The following RPS29 variants were observed in gnomAD, a reference collection of about 807,000 sequenced individuals.
The protein encoded by RPS29 is small ribosomal subunit protein uS14.
For missense variants in RPS29, 60 were observed against 75.7 expected (o/e 0.79, Z 0.77); for synonymous variants, 37 against 26.9 (o/e 1.37, Z -1.16).
chr14:49,584,231 C>T (rs1881436690), intron 2 of RPS29, among the ~76,000 whole-genome samples: 1 of 152,228 alleles, frequency 6.6e-6, no homozygotes, highest in South Asian at 2.1e-4. Flanking sequence ...ATCTTGTCGG[C>T]CTCCCAAAGT....
intron 1 of RPS29, among the ~76,000 whole-genome samples, chr14:49,595,804 G>A (rs867081499): frequency 6.6e-5 from 10 of 152,204 alleles, no homozygotes; most frequent in African/African-American, 2.4e-4. Flanking sequence ...CCAGAGGTCA[G>A]GAGTTCGAGA....
chr14:49,586,336 T>A lies in RPS29; in HGVS notation c.11A>T (p.Gln4Leu). 1 of 1,613,936 alleles carries A rather than the reference T, an allele frequency of 6.2e-7. No homozygotes were observed. The highest frequency in any genetic ancestry group is 8.5e-7 in the Non-Finnish European group (1 of 1,179,788). MGH[Q>L]QLYWSHPRKF... The stretch of plus-strand genomic sequence containing the variant: ...TCGCGGGTGGCTCCAGTACAGCTGC[T>A]GGTGACCCATCTTGCTCTCAGCAGT... Residue 4 changes from glutamine (Q) to leucine (L), a missense_variant, in exon 1 of 3, where the codon CAG becomes CTG. Physicochemically the swap from Gln to Leu is moderately radical, Grantham distance 113. Transcript: ENST00000245458.
At chr14:49,592,712 C>G (rs1002805785) in intron 1 of RPS29, among the ~76,000 whole-genome samples, 5 of 151,016 alleles carry the variant, frequency 3.3e-5, no homozygotes, top group African/African-American at 1.2e-4. Flanking sequence ...AGTTCGAGAC[C>G]AGCCTGACCA....
At chr14:49,594,098 A>T (rs987311756) in intron 1 of RPS29, among the ~76,000 whole-genome samples, 1 of 152,208 alleles carries the variant, frequency 6.6e-6, no homozygotes, top group Admixed American at 6.5e-5. Flanking sequence ...TTCAGCTCTA[A>T]AACTTGAGGA....
At chr14:49,583,565 C>G (rs1169172207), downstream of RPS29, 16 of 1,304,774 alleles carry the variant, frequency 1.2e-5, no homozygotes, top group Non-Finnish European at 1.7e-5. Flanking sequence ...TTAGAACACT[C>G]ATAAACTGAA....
At chr14:49,584,506 T>G (rs1255341173) in intron 2 of RPS29, among the ~76,000 whole-genome samples, 1 of 152,200 alleles carries the variant, frequency 6.6e-6, no homozygotes, top group Admixed American at 6.5e-5. Context: ...GGATCACGCC[T>G]GTAATCCCAG....
exon 3 of RPS29, chr14:49,571,827 A>G (rs1446996045): frequency 6.6e-6 from 1 of 152,148 alleles, no homozygotes; most frequent in African/African-American, 2.4e-5. Context: ...GGCTGGTCCT[A>G]ACTTATATCC....
Position 49,586,328 on chromosome 14 carries a change from A to G in RPS29, c.19T>C (p.Tyr7His), listed in dbSNP as rs1881553021. 6.2e-7 allele frequency: 1 copy of G among 1,613,862 alleles called. No homozygotes were observed. The highest frequency in any genetic ancestry group is 2.2e-5 in the East Asian group (1 of 44,904). Residue 7 changes from tyrosine (Y) to histidine (H), a missense_variant, in exon 1 of 3, where the codon TAC becomes CAC. By Grantham distance (83) the Tyr-to-His change is moderately conservative. Coordinates refer to ENST00000245458, the MANE Select transcript of RPS29 (RefSeq NM_001032.5). Reference protein sequence around the residue: MGHQQLYWSHPRKFGQG... With the variant: MGHQQLHWSHPRKFGQG... The stretch of plus-strand genomic sequence containing the variant: ...CCGAATTTTCGCGGGTGGCTCCAGT[A>G]CAGCTGCTGGTGACCCATCTTGCTC...
chr14:49,582,931 C>T (rs933109030), downstream of RPS29, among the ~76,000 whole-genome samples: 5 of 152,188 alleles, frequency 3.3e-5, no homozygotes, highest in African/African-American at 9.7e-5. Flanking sequence ...CCCACAAATA[C>T]GCACATGCAC....
chr14:49,583,326 A>C (rs1391251338), downstream of RPS29, among the ~76,000 whole-genome samples: 1 of 152,146 alleles, frequency 6.6e-6, no homozygotes, highest in Non-Finnish European at 1.5e-5. Context: ...CAAGGCGAGC[A>C]GATCACGAAG....
chr14:49,594,015 G>A (rs1189838248), intron 1 of RPS29, among the ~76,000 whole-genome samples: 1 of 152,166 alleles, frequency 6.6e-6, no homozygotes, highest in Admixed American at 6.5e-5. Context: ...GTCAAATAGT[G>A]TACCTTTACT....
chr14:49,586,108 G>A (rs952301759), intron 1 of RPS29, 59 bp from the exon 2 acceptor site: 5 of 1,493,068 alleles, frequency 3.3e-6, no homozygotes, highest in African/African-American at 2.8e-5. Context: ...TCCGCACTCA[G>A]ACGGCTACTA....
intron 1 of RPS29, among the ~76,000 whole-genome samples, chr14:49,595,307 G>A (rs968494269): frequency 3.9e-5 from 6 of 152,174 alleles, no homozygotes; most frequent in Admixed American, 3.3e-4. Context: ...TGATGTGGGT[G>A]GGGCATGGTG....
At chr14:49,586,172 C>A (rs1594573924) in intron 1 of RPS29, 113 bp downstream of exon 1, 1 of 1,386,014 alleles carries the variant, frequency 7.2e-7, no homozygotes, top group East Asian at 2.3e-5. Flanking sequence ...GCGGCACCAG[C>A]GACTCCCAGT....
chr14:49,586,460 G>T (rs1594574419), upstream of RPS29: 1 of 913,406 alleles, frequency 1.1e-6, no homozygotes, highest in East Asian at 2.5e-5. Context: ...CGCGTGCGCA[G>T]TGTGGTCAGG....
At chr14:49,586,652 G>A (rs1290847549), upstream of RPS29, 2 of 414,282 alleles carry the variant, frequency 4.8e-6, no homozygotes, top group Non-Finnish European at 9.1e-6. Flanking sequence ...CTTGAGTCCA[G>A]GAGTTCTGGG....
intron 1 of RPS29, among the ~76,000 whole-genome samples, chr14:49,597,057 G>A (rs1881844906): frequency 6.6e-6 from 1 of 151,686 alleles, no homozygotes; most frequent in Non-Finnish European, 1.5e-5. Context: ...TGGGACTACA[G>A]GTGCGCGCCA....
intron 1 of RPS29, among the ~76,000 whole-genome samples, chr14:49,596,841 G>C (rs1385725118): frequency 4.3e-5 from 6 of 137,964 alleles, no homozygotes; most frequent in Admixed American, 2.3e-4. Context: ...GCAGTTCTTC[G>C]CTCACTACCT....
chr14:49,583,477 G>C (rs1370711482), downstream of RPS29: 3 of 535,108 alleles, frequency 5.6e-6, no homozygotes, highest in Non-Finnish European at 9.5e-6. Flanking sequence ...CTGCACTCCA[G>C]CCTGGCGACA....
Sources: allele counts gnomAD v4.1 joint callset (sites outside exome capture counted in the v4.1 genomes callset), GRCh38; gene constraint gnomAD v4.1.1; transcripts MANE v1.5; gene names NCBI Gene and HGNC (gene_info 2026-07-23, HGNC 2026-07-21).